Variants in LIMS2 observed in about 807,000 individuals in gnomAD.
LIMS2 encodes the protein LIM and senescent cell antigen-like-containing domain protein 2.
In LIMS2, 30 loss-of-function variants were observed where a neutral mutation model predicts 45.3. The ratio of observed to expected loss-of-function variants is 0.66; its 90% CI spans 0.50 to 0.90. LIMS2 has a LOEUF of 0.90. Ranked by LOEUF, LIMS2 falls within the 40% of genes least tolerant of loss-of-function variation. The pLI is 0.00. For missense variants in LIMS2, 485 were observed against 468.7 expected (o/e 1.03, Z -0.32); for synonymous variants, 173 against 188.0 (o/e 0.92, Z 0.65).
At chr2:127,669,671 T>G (rs776968632) in intron 1 of LIMS2, among the ~76,000 whole-genome samples, 2 of 152,004 alleles carry the variant, frequency 1.3e-5, no homozygotes, top group Non-Finnish European at 2.9e-5. Flanking sequence ...TGAGCTGAGA[T>G]TGCACTACTG....
intron 4 of LIMS2, chr2:127,650,654 C>T: frequency 8.3e-7 from 1 of 1,197,964 alleles, no homozygotes; most frequent in Non-Finnish European, 1.2e-6. Context: ...TTCTGGACTT[C>T]AGAGAGCGTG....
rs565725361 is a variant in LIMS2, at chr2:127,653,387, C to T, written c.359+1037G>A. Reference sequence around the variant, plus strand: ...ATCCCAAACTGCTTGTGCCTCATTGCGTTTGGGATGCCTGGTGGACACCAA... The same window carrying T: ...ATCCCAAACTGCTTGTGCCTCATTGTGTTTGGGATGCCTGGTGGACACCAA... On this transcript the variant is annotated intron_variant, in intron 4 of 9. Coordinates refer to ENST00000355119, the MANE Select transcript of LIMS2 (RefSeq NM_001161403.3). The surrounding 1 kb of genome is among the most constrained non-coding windows in gnomAD (Gnocchi z 5.3). 3.9e-5 allele frequency among the ~76,000 whole-genome samples: 6 copies of T among 152,236 alleles called. 1 individual carries two copies. In the South Asian group the frequency reaches 6.2e-4, roughly 16 times the overall value.
chr2:127,643,179 G>A, intron 4 of LIMS2, 107 bp from the exon 5 acceptor site: 3 of 1,238,052 alleles, frequency 2.4e-6, no homozygotes, highest in Non-Finnish European at 3.3e-6. Flanking sequence ...GCAGCTGGGG[G>A]CTTCAAAGGG....
At chr2:127,680,148 CG>C (rs1553468794), upstream of LIMS2, among the ~76,000 whole-genome samples, 1 of 152,142 alleles carries the variant, frequency 6.6e-6, no homozygotes, top group South Asian at 2.1e-4. Flanking sequence ...GAGAACCCCC[CG>C]GGGGGGAGCG....
chr2:127,651,104 C>A (rs370748817), intron 4 of LIMS2: 26 of 1,613,658 alleles, frequency 1.6e-5, no homozygotes, highest in Non-Finnish European at 1.9e-5. Flanking sequence ...ACTTCCTCAC[C>A]TGCATCAGCG....
chr2:127,660,785 T>A (rs111320834), intron 1 of LIMS2, among the ~76,000 whole-genome samples: 2,158 of 152,216 alleles, frequency 0.014, 61 homozygotes, highest in African/African-American at 0.048. Context: ...CCACACACAC[T>A]CTCCTCTACC....
Position 127,654,905 on chromosome 2 carries a change from G to C in LIMS2, c.172-9C>G, listed in dbSNP as rs749727979. The C allele has an allele frequency of 2.5e-6, 4 of 1,613,418 alleles. No individual in the cohort carries two copies. Among genetic ancestry groups the C allele is most frequent in the Non-Finnish European group, 3.4e-6 (4 of 1,179,612 alleles). On this transcript the variant is annotated splice_polypyrimidine_tract_variant and intron_variant, in intron 2 of 9. Coordinates refer to ENST00000355119, the MANE Select transcript of LIMS2 (RefSeq NM_001161403.3). ...TACTTCCGGCCTTCAAACTGCAAAG[G>C]GGTCGCAGAGAGAGGACAAGCAAAC...
Position 127,671,132 on chromosome 2 carries a change from T to C in LIMS2, c.11+3882A>G, listed in dbSNP as rs1452570188. On this transcript the variant is annotated intron_variant, in intron 1 of 9. Coordinates refer to ENST00000355119, the MANE Select transcript of LIMS2 (RefSeq NM_001161403.3). This position sits in a 1 kb window ranked among gnomAD's most constrained non-coding sequence, Gnocchi z 4.1. ...CACCTGGAAGTGAAGACCTAAGGGA[T>C]GGTTAAGCCTGCATGCAGGCTGGGC... Among the ~76,000 whole-genome samples the C allele has an allele frequency of 1.3e-5, 2 of 152,030 alleles. No homozygotes were observed. Among genetic ancestry groups the C allele is most frequent in the Non-Finnish European group, 2.9e-5 (2 of 68,004 alleles).
Position 127,664,670 on chromosome 2 carries a change from G to A in LIMS2, c.12-7108C>T. Reference sequence around the variant, plus strand: ...GGTCCCGCTGGGAGGGGACTGGTCTGGGAAGGCCCCAGACAGCACTGAGGT... The same window carrying A: ...GGTCCCGCTGGGAGGGGACTGGTCTAGGAAGGCCCCAGACAGCACTGAGGT... On this transcript the variant is annotated intron_variant, in intron 1 of 9. Transcript: ENST00000355119. The surrounding 1 kb of genome is among the most constrained non-coding windows in gnomAD (Gnocchi z 5.5). 1 of 1,020,766 alleles carries A rather than the reference G, an allele frequency of 9.8e-7. No homozygotes were observed. The highest frequency in any genetic ancestry group is 1.2e-6 in the Non-Finnish European group (1 of 841,886). 63.2% of individuals were successfully genotyped at this position (1,020,766 alleles called of 1,614,324 possible).
At chr2:127,646,379 A>G (rs1256570789) in intron 4 of LIMS2, 1 of 152,240 alleles carries the variant, frequency 6.6e-6, no homozygotes, top group Non-Finnish European at 1.5e-5. Context: ...TGACCTGTGC[A>G]TCGAAGGCTG....
At chr2:127,654,061 G>A (rs1684062297) in intron 4 of LIMS2, among the ~76,000 whole-genome samples, 1 of 152,056 alleles carries the variant, frequency 6.6e-6, no homozygotes, top group South Asian at 2.1e-4. Flanking sequence ...CATGAGGTTT[G>A]TGGCCCTCAA....
Position 127,666,805 on chromosome 2 carries a change from C to G in LIMS2, c.11+8209G>C, listed in dbSNP as rs570549556. Among the ~76,000 whole-genome samples, 5 of 152,230 alleles carry G rather than the reference C, an allele frequency of 3.3e-5. No homozygotes were observed. In the South Asian group the frequency reaches 8.3e-4, roughly 25 times the overall value. ...CTTCACAAGGTGGCAGGAAGAAATA[C>G]CAAGCAAAGGGGGATGAGCCCCTTA... On this transcript the variant is annotated intron_variant, in intron 1 of 9. Transcript: ENST00000355119.
intron 1 of LIMS2, among the ~76,000 whole-genome samples, chr2:127,668,967 C>G (rs2105339027): frequency 6.6e-6 from 1 of 152,148 alleles, no homozygotes; most frequent in South Asian, 2.1e-4. Context: ...TGGTGTGTAC[C>G]TGTGGTTCCA....
chr2:127,648,094 A>C, intron 4 of LIMS2: 7 of 985,468 alleles, frequency 7.1e-6, no homozygotes, highest in Non-Finnish European at 8.4e-6. Flanking sequence ...AGTCCTAGGG[A>C]AAGTGCCAGC....
At chr2:127,651,615 C>T (rs759392175) in intron 4 of LIMS2, 6 of 1,613,588 alleles carry the variant, frequency 3.7e-6, no homozygotes, top group Middle Eastern at 1.6e-4. Flanking sequence ...GGCACTCGAC[C>T]CCATCATGTA....
chr2:127,668,696 A>AAAC (rs1685141112), intron 1 of LIMS2, among the ~76,000 whole-genome samples: 8 of 112,856 alleles, frequency 7.1e-5, no homozygotes, highest in Non-Finnish European at 1.3e-4. Context: ...AAAAAAAAAA[A>AAAC]AAAAAAAAAA....
At position 127,642,159 on chromosome 2, in the gene LIMS2, G is replaced by A. The variant is rs757157375; in HGVS notation, c.550C>T (p.Leu184Phe). The change falls in exon 6 of 10, where the codon CTC (leucine) becomes TTC (phenylalanine). Residue 184 changes from leucine to phenylalanine, a missense_variant. Physicochemically the swap from Leu to Phe is conservative, Grantham distance 22. Coordinates refer to ENST00000355119, the MANE Select transcript of LIMS2 (RefSeq NM_001161403.3). This position sits in a 1 kb window ranked among gnomAD's most constrained non-coding sequence, Gnocchi z 5.3. ...TAEARELKGE[L>F]YCLPCHDKMG... The stretch of plus-strand genomic sequence containing the variant: ...TTGTCATGGCAGGGCAGGCAGTAGA[G>A]CTCACCCTTCAGCTCGCGGGCCTCG... 4.4e-6 allele frequency: 7 copies of A among 1,588,502 alleles called. 1 individual carries two copies. In the Admixed American group the frequency reaches 6.9e-5, roughly 16 times the overall value.
At position 127,638,986 on chromosome 2, in the gene LIMS2, G is replaced by C. The variant is rs952504816; in HGVS notation, c.*295C>G. 5.1e-6 allele frequency: 2 copies of C among 388,878 alleles called. No individual in the cohort carries two copies. Among genetic ancestry groups the C allele is most frequent in the African/African-American group, 4.2e-5 (2 of 48,088 alleles). The allele number at this position is 388,878 out of a possible 1,614,324, so 24.1% of individuals were successfully genotyped here. A position where few individuals can be genotyped will look rare whatever the true frequency, so the allele number is the denominator to read the frequency against. ...GGGAGCTGTGGTGCAATTTGCTCCT[G>C]TCCCTGGAGGTCTGTGGGCGGAAGC... On this transcript the variant is annotated 3_prime_UTR_variant, in exon 10 of 10. Coordinates refer to ENST00000355119, the MANE Select transcript of LIMS2 (RefSeq NM_001161403.3).
chr2:127,648,299 G>A, intron 4 of LIMS2: 3 of 595,768 alleles, frequency 5.0e-6, no homozygotes, highest in African/African-American at 2.0e-5. Context: ...AGGGGAACCT[G>A]CCTAGAGAAA....
Sources: gnomAD v4.1 joint callset for allele counts (sites outside exome capture counted in the v4.1 genomes callset) on GRCh38, gnomAD v4.1.1 for gene constraint, Gnocchi (gnomAD v3.1) non-coding constraint, MANE v1.5 for transcripts, NCBI Gene and HGNC (gene_info 2026-07-23, HGNC 2026-07-21) for gene names.